The following MAGI2 variants were observed in gnomAD, a reference collection of about 807,000 sequenced individuals.
MAGI2 encodes membrane associated guanylate kinase, WW and PDZ domain containing 2.
Under a neutral mutation model 133.3 loss-of-function variants are expected in MAGI2, and 35 were observed. The observed-to-expected ratio is 0.26, with a 90% CI of 0.20 to 0.35. MAGI2 has a LOEUF of 0.35. MAGI2 is among the 10% of genes least tolerant of loss of function. MAGI2 has a pLI of 1.00. For synonymous variants in MAGI2, 729 were observed against 710.6 expected (o/e 1.03, Z -0.41); for missense variants, 1,636 against 1,863.4 (o/e 0.88, Z 2.25).
chr7:79,446,500 A>G (rs975930423), intron 1 of MAGI2, among the ~76,000 whole-genome samples: 1 of 152,190 alleles, frequency 6.6e-6, no homozygotes, highest in African/African-American at 2.4e-5. Flanking sequence ...GCCAAAATAA[A>G]TAAAAATGGC....
At chr7:79,411,639 T>C (rs1438118847) in intron 1 of MAGI2, 1 of 152,100 alleles carries the variant, frequency 6.6e-6, no homozygotes, top group East Asian at 1.9e-4. Context: ...GATAATAAGT[T>C]TGCCTTGTTT....
At position 78,670,846 on chromosome 7, in the gene MAGI2, A is replaced by T. The variant is rs187784405; in HGVS notation, c.419-43607T>A. On this transcript the variant is annotated intron_variant, in intron 2 of 21. Transcript: ENST00000354212. ...TTCAGTAAGACTCAACAAAAGCAGT[A>T]AGTCTGTGAACATTCTACTTTATCA... 1.1e-4 allele frequency among the ~76,000 whole-genome samples: 17 copies of T among 152,304 alleles called. No individual in the cohort carries two copies. The East Asian group carries it at 2.1e-3, about 19-fold the overall frequency.
At chr7:78,885,431 C>T (rs1291868091) in intron 2 of MAGI2, among the ~76,000 whole-genome samples, 1 of 152,146 alleles carries the variant, frequency 6.6e-6, no homozygotes, top group African/African-American at 2.4e-5. Context: ...ATGATCCTTT[C>T]AATGTGTCTT....
chr7:78,676,224 A>T (rs1028324089), intron 2 of MAGI2, among the ~76,000 whole-genome samples: 7 of 152,196 alleles, frequency 4.6e-5, no homozygotes, highest in Non-Finnish European at 8.8e-5. Context: ...ATAGAAACAC[A>T]TTTAAACAAA....
At chr7:78,710,479 C>A (rs1819075833) in intron 2 of MAGI2, among the ~76,000 whole-genome samples, 1 of 152,112 alleles carries the variant, frequency 6.6e-6, no homozygotes, top group Non-Finnish European at 1.5e-5. Flanking sequence ...AAGTGAACTA[C>A]AACATAACAA....
At chr7:78,598,028 AT>A (rs752988415) in intron 3 of MAGI2, among the ~76,000 whole-genome samples, 8 of 152,196 alleles carry the variant, frequency 5.3e-5, no homozygotes, top group Non-Finnish European at 1.0e-4. Flanking sequence ...TGAATATTGA[AT>A]TATTTTGGAC....
intron 9 of MAGI2, among the ~76,000 whole-genome samples, chr7:78,297,835 G>GGGGGGA (rs374367179): frequency 9.7e-6 from 1 of 103,484 alleles, no homozygotes; most frequent in Non-Finnish European, 2.2e-5. Flanking sequence ...GTTGTGGGGT[G>GGGGGGA]GGGGGAGGGG....
chr7:78,924,847 T>TTAC (rs990003253), intron 2 of MAGI2, among the ~76,000 whole-genome samples: 3 of 148,514 alleles, frequency 2.0e-5, no homozygotes, highest in East Asian at 1.9e-4. Context: ...ATTATTATTA[T>TTAC]TACTACTATT....
intron 10 of MAGI2, among the ~76,000 whole-genome samples, chr7:78,207,624 T>A (rs1001542646): frequency 3.3e-5 from 5 of 152,210 alleles, no homozygotes; most frequent in African/African-American, 1.2e-4. Flanking sequence ...TTAAAATTCA[T>A]TAAATGGGTT....
intron 1 of MAGI2, among the ~76,000 whole-genome samples, chr7:79,366,748 A>T (rs1013017878): frequency 3.9e-5 from 6 of 152,190 alleles, no homozygotes; most frequent in African/African-American, 1.4e-4. Context: ...TGTTTCAATT[A>T]AAAAATCCTA....
At chr7:78,672,313 T>A (rs1585042631) in intron 2 of MAGI2, among the ~76,000 whole-genome samples, 2 of 152,236 alleles carry the variant, frequency 1.3e-5, no homozygotes, top group Middle Eastern at 6.8e-3. Flanking sequence ...GACATGCCTG[T>A]CCCCTCTTCA....
intron 1 of MAGI2, among the ~76,000 whole-genome samples, chr7:79,067,906 T>G (rs1376406363): frequency 6.6e-6 from 1 of 152,212 alleles, no homozygotes; most frequent in Non-Finnish European, 1.5e-5. Flanking sequence ...ATGGATTACA[T>G]GTATTGATTT....
chr7:78,600,441 A>G (rs895769530), intron 3 of MAGI2, among the ~76,000 whole-genome samples: 4 of 152,258 alleles, frequency 2.6e-5, no homozygotes, highest in Middle Eastern at 3.4e-3. Flanking sequence ...ATATGATGCC[A>G]TACAAAAAAT....
At chr7:78,652,690 A>G (rs1012075754) in intron 2 of MAGI2, among the ~76,000 whole-genome samples, 12 of 152,220 alleles carry the variant, frequency 7.9e-5, no homozygotes, top group African/African-American at 2.7e-4. Flanking sequence ...CCGTAGAAGA[A>G]AACCTAGGCA....
At chr7:79,219,287 A>G (rs1830264756) in intron 1 of MAGI2, among the ~76,000 whole-genome samples, 1 of 152,066 alleles carries the variant, frequency 6.6e-6, no homozygotes, top group African/African-American at 2.4e-5. Context: ...AAAACCCTAA[A>G]TAAAGGTAGA....
intron 2 of MAGI2, among the ~76,000 whole-genome samples, chr7:78,977,012 T>G (rs922199635): frequency 6.6e-6 from 1 of 151,718 alleles, no homozygotes; most frequent in African/African-American, 2.4e-5. Flanking sequence ...GTTGCCATTC[T>G]TTCCCAACTT....
chr7:78,832,591 C>A lies in MAGI2; in HGVS notation c.418+174499G>T, dbSNP rs533045837. The stretch of plus-strand genomic sequence containing the variant: ...CCATATGAATGCCAGTTATAAGCTT[C>A]GGCTTCTGTTGAGTTTGACCGTCAG... On this transcript the variant is annotated intron_variant, in intron 2 of 21. Transcript: ENST00000354212. Among the ~76,000 whole-genome samples, 5 of 152,262 alleles carry A rather than the reference C, an allele frequency of 3.3e-5. 1 individual carries two copies. In the East Asian group the frequency reaches 5.8e-4, roughly 18 times the overall value.
chr7:79,066,549 G>T (rs942700715), intron 1 of MAGI2, among the ~76,000 whole-genome samples: 1 of 151,912 alleles, frequency 6.6e-6, no homozygotes, highest in Non-Finnish European at 1.5e-5. Flanking sequence ...TTCCTTTGCT[G>T]TGCAGAAGCT....
intron 1 of MAGI2, among the ~76,000 whole-genome samples, chr7:79,024,532 A>T: frequency 6.6e-6 from 1 of 151,948 alleles, no homozygotes; most frequent in Non-Finnish European, 1.5e-5. Flanking sequence ...AAAACAAAAC[A>T]AAACAAAACA....
Sources: gnomAD v4.1 joint callset for allele counts (sites outside exome capture counted in the v4.1 genomes callset) on GRCh38, gnomAD v4.1.1 for gene constraint, MANE v1.5 for transcripts, NCBI Gene and HGNC (gene_info 2026-07-23, HGNC 2026-07-21) for gene names.